The following PCDHGA1 variants were observed in gnomAD, a reference collection of about 807,000 sequenced individuals.
The protein encoded by PCDHGA1 is protocadherin gamma subfamily A, 1.
A neutral mutation model predicts 58.0 loss-of-function variants in PCDHGA1; 32 were observed. The observed-to-expected ratio is 0.55, with a 90% confidence interval of 0.42 to 0.74. PCDHGA1 has a LOEUF of 0.74. Ranked by LOEUF, PCDHGA1 falls within the 30% of genes least tolerant of loss-of-function variation. The probability of loss-of-function intolerance (pLI) is 0.00; values close to 1 mark genes in which losing one functional copy is unlikely to be tolerated. For missense variants in PCDHGA1, 1,205 were observed against 1,182.3 expected, an observed-to-expected ratio of 1.02 and a Z score of -0.28; for synonymous variants, 498 against 501.1, an observed-to-expected ratio of 0.99 and a Z score of 0.08.
chr5:141,357,873 C>A, intron 1 of PCDHGA1: 1 of 560,256 alleles, frequency 1.8e-6, no homozygotes, highest in South Asian at 2.2e-5. Context: ...TTTTACAACT[C>A]TGAGCCACCT....
intron 1 of PCDHGA1, among the ~76,000 whole-genome samples, chr5:141,484,740 G>GA (rs1047805396): frequency 2.0e-5 from 3 of 150,646 alleles, no homozygotes; most frequent in Admixed American, 1.3e-4. Context: ...GGTGTGTTAG[G>GA]AAAAAAAATG....
At position 141,491,587 on chromosome 5, in the gene PCDHGA1, G is replaced by A. The variant is rs1177701526; in HGVS notation, c.2422-3220G>A. 1.2e-6 allele frequency: 2 copies of A among 1,613,834 alleles called. No individual in the cohort carries two copies. Among genetic ancestry groups the A allele is most frequent in the African/African-American group, 2.7e-5 (2 of 74,926 alleles). On this transcript the variant is annotated intron_variant, in intron 1 of 3. Coordinates refer to ENST00000517417, the MANE Select transcript of PCDHGA1 (RefSeq NM_018912.3). The surrounding 1 kb of genome is among the most constrained non-coding windows in gnomAD (Gnocchi z 6.9). ...CAGGACGTGCTTTTCACCGGCCTCG[G>A]ACGGCAGTGACTTCACTTTTCTAAG...
At position 141,421,932 on chromosome 5, in the gene PCDHGA1, T is replaced by C. The variant is rs747598404; in HGVS notation, c.2422-72875T>C. On this transcript the variant is annotated intron_variant, in intron 1 of 3. Transcript: ENST00000517417. The stretch of plus-strand genomic sequence containing the variant: ...TTCCCATTCGTGTGGTGGTCCTCGA[T>C]GTAAATGATCACATCCCAATGTTTA... 3 of 1,613,588 alleles carry C rather than the reference T, an allele frequency of 1.9e-6. No individual in the cohort carries two copies. The East Asian group carries it at 6.7e-5, about 36-fold the overall frequency.
intron 1 of PCDHGA1, among the ~76,000 whole-genome samples, chr5:141,380,913 T>C (rs1776852594): frequency 6.6e-6 from 1 of 152,242 alleles, no homozygotes; most frequent in African/African-American, 2.4e-5. Flanking sequence ...AGTGCTTACA[T>C]TGTTTAATAA....
intron 1 of PCDHGA1, chr5:141,388,313 T>C: frequency 6.2e-7 from 1 of 1,613,738 alleles, no homozygotes; most frequent in Non-Finnish European, 8.5e-7. Flanking sequence ...TGCAAATAAG[T>C]GAGTCTGCAC....
chr5:141,358,728 A>C (rs1761003204), intron 1 of PCDHGA1, among the ~76,000 whole-genome samples: 1 of 152,196 alleles, frequency 6.6e-6, no homozygotes, highest in African/African-American at 2.4e-5. Flanking sequence ...GGAAAATATA[A>C]GTTTTTGGAG....
chr5:141,469,213 G>C (rs866405809), intron 1 of PCDHGA1, among the ~76,000 whole-genome samples: 4 of 150,912 alleles, frequency 2.7e-5, no homozygotes, highest in African/African-American at 9.7e-5. Flanking sequence ...TGAAGTTGAG[G>C]CTTCAGTGAG....
intron 1 of PCDHGA1, among the ~76,000 whole-genome samples, chr5:141,439,495 C>A (rs142329128): frequency 6.6e-6 from 1 of 152,206 alleles, no homozygotes; most frequent in Non-Finnish European, 1.5e-5. Context: ...CAGTGAGAAA[C>A]GTCTTTCTCT....
At chr5:141,423,205 A>G in intron 1 of PCDHGA1, 1 of 1,613,612 alleles carries the variant, frequency 6.2e-7, no homozygotes, top group South Asian at 1.1e-5. Flanking sequence ...GGCCACCGTC[A>G]CGCTCACCGT....
At chr5:141,361,130 G>C (rs1352888384) in intron 1 of PCDHGA1, 1 of 1,613,886 alleles carries the variant, frequency 6.2e-7, no homozygotes, top group African/African-American at 1.3e-5. Context: ...GCCCACTGCA[G>C]TATCCAAGTT....
At chr5:141,464,558 A>G (rs1276921889) in intron 1 of PCDHGA1, among the ~76,000 whole-genome samples, 2 of 152,176 alleles carry the variant, frequency 1.3e-5, no homozygotes, top group Non-Finnish European at 2.9e-5. Context: ...CCCATCTTGC[A>G]TTCCTACAAA....
intron 1 of PCDHGA1, chr5:141,415,758 T>G (rs200061978): frequency 0.08 from 111,079 of 1,380,048 alleles, 1,979 homozygotes; most frequent in African/African-American, 0.17. Context: ...TTTTTTTTTT[T>G]TTTTTTTTTT....
At chr5:141,368,178 A>G (rs1230488076) in intron 1 of PCDHGA1, among the ~76,000 whole-genome samples, 3 of 152,200 alleles carry the variant, frequency 2.0e-5, no homozygotes, top group Non-Finnish European at 4.4e-5. Context: ...TCAAATAATG[A>G]CTAAATAAGG....
chr5:141,346,135 C>G, intron 1 of PCDHGA1: 1 of 1,613,962 alleles, frequency 6.2e-7, no homozygotes, highest in Non-Finnish European at 8.5e-7. Context: ...GCCGCGGTCT[C>G]CTGCGTCTTC....
At chr5:141,391,707 C>T (rs1004180070) in intron 1 of PCDHGA1, 1 of 152,154 alleles carries the variant, frequency 6.6e-6, no homozygotes, top group African/African-American at 2.4e-5. Context: ...CCAGGCTGGT[C>T]TTGAAGGGAA....
chr5:141,494,076 G>A (rs538740530), intron 1 of PCDHGA1, among the ~76,000 whole-genome samples: 24 of 152,234 alleles, frequency 1.6e-4, no homozygotes, highest in African/African-American at 4.3e-4. Flanking sequence ...ATCCCTCCCC[G>A]CTGCATCCCT....
chr5:141,436,591 G>A (rs903125499), intron 1 of PCDHGA1, among the ~76,000 whole-genome samples: 8 of 152,154 alleles, frequency 5.3e-5, no homozygotes, highest in Non-Finnish European at 1.0e-4. Context: ...TTGAAAGGTC[G>A]TGGTGATGGC....
At chr5:141,415,176 C>A in intron 1 of PCDHGA1, 2 of 1,613,934 alleles carry the variant, frequency 1.2e-6, no homozygotes, top group Non-Finnish European at 1.7e-6. Context: ...TCACCGTGGC[C>A]GTGGCCGACA....
chr5:141,375,186 T>C, intron 1 of PCDHGA1: 1 of 1,613,988 alleles, frequency 6.2e-7, no homozygotes, highest in Non-Finnish European at 8.5e-7. Context: ...GTAATCGCCC[T>C]TTTTCAAGTG....
Sources: gnomAD v4.1 joint callset for allele counts (sites outside exome capture counted in the v4.1 genomes callset) on GRCh38, gnomAD v4.1.1 for gene constraint, Gnocchi (gnomAD v3.1) non-coding constraint, MANE v1.5 for transcripts, NCBI Gene and HGNC (gene_info 2026-07-23, HGNC 2026-07-21) for gene names.